Variants in KANK1 observed in about 807,000 individuals in gnomAD.
The protein encoded by KANK1 is KN motif and ankyrin repeat domains 1, also known as KN motif and ankyrin repeat domain-containing protein 1.
A neutral mutation model predicts 106.2 loss-of-function variants in KANK1; 109 were observed. The observed-to-expected ratio is 1.03, with a 90% CI of 0.88 to 1.20. The LOEUF is 1.20. Ranked by LOEUF, KANK1 falls within the 50% of genes most tolerant of loss-of-function variation. KANK1 has a pLI of 0.00. For missense variants in KANK1, 2,399 were observed against 1,710.7 expected (o/e 1.40, Z -7.10); for synonymous variants, 873 against 652.2 (o/e 1.34, Z -5.16).
chr9:474,103 A>G (rs182095202), intron 3 of KANK1, among the ~76,000 whole-genome samples: 3 of 152,320 alleles, frequency 2.0e-5, no homozygotes, highest in Non-Finnish European at 2.9e-5. Flanking sequence ...CATTGGCTTT[A>G]CTTGTCTTTA....
chr9:592,316 C>G (rs1462570636), intron 1 of KANK1, among the ~76,000 whole-genome samples: 2 of 151,878 alleles, frequency 1.3e-5, no homozygotes, highest in African/African-American at 2.4e-5. Context: ...CAGGACTGCT[C>G]TTTCCCAGGG....
chr9:596,670 C>G (rs1222185868), intron 1 of KANK1, among the ~76,000 whole-genome samples: 1 of 151,828 alleles, frequency 6.6e-6, no homozygotes, highest in Non-Finnish European at 1.5e-5. Flanking sequence ...ACCATCATTA[C>G]TTTACCAGTT....
At chr9:686,815 C>T (rs1818694163) in intron 2 of KANK1, 1 of 985,316 alleles carries the variant, frequency 1.0e-6, no homozygotes, top group Non-Finnish European at 1.2e-6. Flanking sequence ...CTCTGAGGAA[C>T]ATGCTAGGAT....
chr9:654,695 G>C (rs1841704524), intron 1 of KANK1, among the ~76,000 whole-genome samples: 1 of 151,976 alleles, frequency 6.6e-6, no homozygotes, highest in African/African-American at 2.4e-5. Context: ...TTTTGTTTCA[G>C]GTACCAATAT....
rs911095873 is a variant in KANK1, at chr9:706,854, A to G, written c.38-3950A>G. On this transcript the variant is annotated intron_variant, in intron 2 of 11. Coordinates refer to ENST00000382297, the MANE Select transcript of KANK1 (RefSeq NM_015158.5). ...AGGTGACCGAGGGCTGGGCAGGAGG[A>G]CACAGACTCTTTCATGAAGCAGTGA... 8 of 985,392 alleles carry G rather than the reference A, an allele frequency of 8.1e-6. No homozygotes were observed. The African/African-American group carries it at 1.2e-4, about 15-fold the overall frequency. 61.0% of individuals were successfully genotyped at this position (985,392 alleles called of 1,614,324 possible).
chr9:475,740 T>C (rs1311578852), intron 3 of KANK1, among the ~76,000 whole-genome samples: 1 of 152,232 alleles, frequency 6.6e-6, no homozygotes, highest in Non-Finnish European at 1.5e-5. Context: ...AGCCATCCTT[T>C]GTAGGGGAAA....
chr9:712,150 A>G lies in KANK1; in HGVS notation c.1384A>G (p.Ile462Val). 6.2e-7 allele frequency: 1 copy of G among 1,614,178 alleles called. No individual in the cohort carries two copies. The highest frequency in any genetic ancestry group is 8.5e-7 in the Non-Finnish European group (1 of 1,180,046). Residue 462 changes from isoleucine to valine, a missense_variant, in exon 3 of 12, where the codon ATA becomes GTA. Physicochemically the swap from Ile to Val is conservative, Grantham distance 29. Coordinates refer to ENST00000382297, the MANE Select transcript of KANK1 (RefSeq NM_015158.5). ...AGAAATTGAGCTGCAACAGCAGACC[A>G]TAGAATCCTTGAAGGAAAAGATCTA... ...DKEIELQQQT[I>V]ESLKEKIYRL...
chr9:738,599 AC>A, intron 8 of KANK1, 95 bp downstream of exon 8: 1 of 949,964 alleles, frequency 1.1e-6, no homozygotes, highest in Non-Finnish European at 1.7e-6. Context: ...GAATTCTCTG[AC>A]CATGCTAAAA....
At chr9:544,349 A>G (rs1006291329) in intron 1 of KANK1, among the ~76,000 whole-genome samples, 4 of 151,970 alleles carry the variant, frequency 2.6e-5, no homozygotes, top group African/African-American at 9.7e-5. Context: ...TCATTTCCCC[A>G]CTTTAATATA....
chr9:505,283 G>A (rs2058699378), intron 1 of KANK1, among the ~76,000 whole-genome samples: 1 of 152,168 alleles, frequency 6.6e-6, no homozygotes, highest in Non-Finnish European at 1.5e-5. Flanking sequence ...GCCCCAGAGG[G>A]GCAGGTGGCC....
chr9:652,910 G>C (rs973302493), intron 1 of KANK1, among the ~76,000 whole-genome samples: 1 of 152,192 alleles, frequency 6.6e-6, no homozygotes, highest in Non-Finnish European at 1.5e-5. Context: ...CACCCTGGGA[G>C]CTGAGTTAGA....
intron 3 of KANK1, among the ~76,000 whole-genome samples, chr9:492,838 A>G (rs910904917): frequency 6.6e-6 from 1 of 151,980 alleles, no homozygotes; most frequent in African/African-American, 2.4e-5. Flanking sequence ...CAGCCTGACC[A>G]ACATGGAGAA....
At chr9:593,476 T>G (rs1031057231) in intron 1 of KANK1, among the ~76,000 whole-genome samples, 7 of 149,628 alleles carry the variant, frequency 4.7e-5, no homozygotes, top group African/African-American at 1.8e-4. Context: ...ACTTGCATTT[T>G]TTTTTTTGAC....
rs539863470 is a variant in KANK1 at position 618,961 on chromosome 9, T to C, written c.-83-57929T>C. On this transcript the variant is annotated intron_variant, in intron 1 of 11. Transcript: ENST00000382297. ...TTAGAGAAAATAACCTCACTACTTA[T>C]TTTCAGGCACCTTGTGACTTAAGAA... Among the ~76,000 whole-genome samples, 3 of 152,364 alleles carry C rather than the reference T, an allele frequency of 2.0e-5. No individual in the cohort carries two copies. In the South Asian group the frequency reaches 6.2e-4, roughly 32 times the overall value.
At chr9:718,295 T>G (rs540119060) in intron 3 of KANK1, among the ~76,000 whole-genome samples, 15 of 130,694 alleles carry the variant, frequency 1.1e-4, no homozygotes, top group African/African-American at 3.9e-4. Context: ...TAACTTGCTG[T>G]GTCTTTTTTT....
rs1816533507 is a variant in KANK1, at chr9:676,934, C to A, written c.-39C>A. 1 of 1,598,868 alleles carries A rather than the reference C, an allele frequency of 6.3e-7. No individual in the cohort carries two copies. The highest frequency in any genetic ancestry group is 2.2e-5 in the East Asian group (1 of 44,694). On this transcript the variant is annotated 5_prime_UTR_variant, in exon 2 of 12. Coordinates refer to ENST00000382297, the MANE Select transcript of KANK1 (RefSeq NM_015158.5). ...TTGATGCATAAAATTTGCATGACTC[C>A]TCACTCCTTTCTGGATCTCTCATTG...
At chr9:589,884 A>G (rs1824413905) in intron 1 of KANK1, among the ~76,000 whole-genome samples, 1 of 152,196 alleles carries the variant, frequency 6.6e-6, no homozygotes, top group African/African-American at 2.4e-5. Flanking sequence ...GGATGCAGGA[A>G]GGACCCAGAT....
chr9:617,450 GT>G (rs1832116168), intron 1 of KANK1, among the ~76,000 whole-genome samples: 1 of 152,174 alleles, frequency 6.6e-6, no homozygotes, highest in African/African-American at 2.4e-5. Flanking sequence ...GGGTTTATCT[GT>G]TTAGTCTAAG....
intron 1 of KANK1, among the ~76,000 whole-genome samples, chr9:543,844 G>A (rs1306206142): frequency 2.0e-5 from 3 of 151,972 alleles, no homozygotes; most frequent in African/African-American, 4.8e-5. Flanking sequence ...GCCCCTTACC[G>A]TCTTCAAAAT....
Sources: allele counts gnomAD v4.1 joint callset (sites outside exome capture counted in the v4.1 genomes callset), GRCh38; gene constraint gnomAD v4.1.1; transcripts MANE v1.5; gene names NCBI Gene and HGNC (gene_info 2026-07-23, HGNC 2026-07-21).